Variants in DACH2 observed in about 807,000 individuals in gnomAD.
DACH2 encodes dachshund homolog 2.
Under a neutral mutation model 35.8 loss-of-function variants are expected in DACH2, and 17 were observed. The observed-to-expected ratio is 0.48, with a 90% CI of 0.33 to 0.71. DACH2 has a LOEUF of 0.71. Ranked by LOEUF, DACH2 falls within the 30% of genes least tolerant of loss-of-function variation. DACH2 has a pLI of 0.02. For synonymous variants in DACH2, 195 were observed against 177.3 expected, an observed-to-expected ratio of 1.10 and a Z score of -0.79; for missense variants, 469 against 472.7, an observed-to-expected ratio of 0.99 and a Z score of 0.07.
At chrX:86,726,467 C>A (rs2041471032) in intron 6 of DACH2, among the ~76,000 whole-genome samples, 1 of 111,022 alleles carries the variant, frequency 9.0e-6, no homozygotes, top group Non-Finnish European at 1.9e-5. Context: ...GCAGCAGCCT[C>A]AAGCAGGGTG....
chrX:86,450,354 G>A (rs2037351827), intron 2 of DACH2, among the ~76,000 whole-genome samples: 1 of 111,199 alleles, frequency 9.0e-6, no homozygotes, highest in East Asian at 2.8e-4. Flanking sequence ...TTAGTTTGAG[G>A]AGCATAATGG....
intron 1 of DACH2, among the ~76,000 whole-genome samples, chrX:86,179,336 T>G (rs2031401412): frequency 8.9e-6 from 1 of 112,158 alleles, no homozygotes; most frequent in African/African-American, 3.2e-5. Context: ...CTTTACCTTC[T>G]TTTTATGATT....
intron 1 of DACH2, among the ~76,000 whole-genome samples, chrX:86,254,981 A>G (rs7055255): frequency 0.084 from 9,058 of 107,533 alleles, 1,010 homozygotes; most frequent in African/African-American, 0.29. Flanking sequence ...GGACTGACAG[A>G]TCAGTACTGA....
At chrX:86,599,766 G>A (rs1242105005) in intron 3 of DACH2, among the ~76,000 whole-genome samples, 1 of 110,534 alleles carries the variant, frequency 9.0e-6, no homozygotes, top group Non-Finnish European at 1.9e-5. Context: ...AAAGTGCTGG[G>A]ATTAGAGACA....
At chrX:86,778,470 A>G (rs894946169) in intron 7 of DACH2, among the ~76,000 whole-genome samples, 7 of 112,030 alleles carry the variant, frequency 6.2e-5, no homozygotes, top group Admixed American at 2.8e-4. Flanking sequence ...AATGTTAGGT[A>G]GTAATAAAAC....
At chrX:86,396,899 A>G (rs1229981534) in intron 2 of DACH2, among the ~76,000 whole-genome samples, 1 of 110,976 alleles carries the variant, frequency 9.0e-6, no homozygotes, top group East Asian at 2.8e-4. Flanking sequence ...TATGAACTTT[A>G]AAGTAGTTTA....
chrX:86,570,733 T>TA (rs1161245941), intron 3 of DACH2, among the ~76,000 whole-genome samples: 16 of 106,936 alleles, frequency 1.5e-4, no homozygotes, highest in Admixed American at 2.0e-4. Flanking sequence ...CCCAGAAACT[T>TA]AAAAAAAAAA....
intron 2 of DACH2, among the ~76,000 whole-genome samples, chrX:86,409,410 G>A (rs752007045): frequency 1.8e-5 from 2 of 111,537 alleles, no homozygotes; most frequent in Non-Finnish European, 3.8e-5. Context: ...TAAAGGTGGG[G>A]CCTGGTAGGA....
chrX:86,547,486 T>TTCAG (rs199823543), intron 3 of DACH2, among the ~76,000 whole-genome samples: 1 of 31,229 alleles, frequency 3.2e-5, no homozygotes, highest in Non-Finnish European at 8.0e-5. Flanking sequence ...ATGGTGCCAT[T>TTCAG]TCACATTTTA....
intron 1 of DACH2, among the ~76,000 whole-genome samples, chrX:86,204,779 T>C (rs2032242487): frequency 8.9e-6 from 1 of 112,066 alleles, no homozygotes; most frequent in South Asian, 3.7e-4. Flanking sequence ...ATATTGGCAC[T>C]CACAGCAGCA....
intron 3 of DACH2, among the ~76,000 whole-genome samples, chrX:86,636,999 A>G (rs2040274546): frequency 9.7e-6 from 1 of 102,692 alleles, no homozygotes; most frequent in South Asian, 4.5e-4. Context: ...TAATAAACTT[A>G]AACAAATTTA....
At chrX:86,822,329 T>A (rs1420698253) in intron 11 of DACH2, among the ~76,000 whole-genome samples, 1 of 111,820 alleles carries the variant, frequency 8.9e-6, no homozygotes, top group Non-Finnish European at 1.9e-5. Flanking sequence ...GAATGAGGAA[T>A]TCATAACCTA....
chrX:86,514,319 T>C lies in DACH2; in HGVS notation c.568T>C (p.Leu190=), dbSNP rs2038437164. 8.3e-7 allele frequency: 1 copy of C among 1,211,589 alleles called. No homozygotes were observed. The highest frequency in any genetic ancestry group is 1.1e-6 in the Non-Finnish European group (1 of 895,436). The change falls in exon 3 of 12, where the codon TTG becomes CTG. Residue 190 remains leucine (L), a synonymous_variant. Transcript: ENST00000373125. ...GRPPKRSLGV[L]QENARLLTHA... Reference sequence around the variant, plus strand: ...GCCCCCTAAGCGTTCTTTGGGAGTGTTGCAGGAAAATGCCCGCCTTCTGAC... The same window carrying C: ...GCCCCCTAAGCGTTCTTTGGGAGTGCTGCAGGAAAATGCCCGCCTTCTGAC...
intron 7 of DACH2, among the ~76,000 whole-genome samples, chrX:86,777,273 G>A (rs369619553): frequency 1.8e-5 from 2 of 110,366 alleles, no homozygotes; most frequent in Non-Finnish European, 3.8e-5. Flanking sequence ...TTTAATGATC[G>A]CCATTCTAAC....
intron 1 of DACH2, among the ~76,000 whole-genome samples, chrX:86,297,753 A>G (rs1168335658): frequency 8.9e-6 from 1 of 112,338 alleles, no homozygotes; most frequent in African/African-American, 3.2e-5. Flanking sequence ...TAAAGTAAAA[A>G]TATTTCCTCT....
intron 3 of DACH2, among the ~76,000 whole-genome samples, chrX:86,555,063 C>A (rs771716165): frequency 9.0e-6 from 1 of 110,749 alleles, no homozygotes; most frequent in South Asian, 3.8e-4. Context: ...TCATTACCAC[C>A]AAAATGTATT....
At chrX:86,345,894 G>A (rs1393784241) in intron 1 of DACH2, among the ~76,000 whole-genome samples, 1 of 112,060 alleles carries the variant, frequency 8.9e-6, no homozygotes, top group Non-Finnish European at 1.9e-5. Flanking sequence ...CTTATTGCTA[G>A]CAATCTACAT....
intron 6 of DACH2, among the ~76,000 whole-genome samples, chrX:86,736,209 T>C (rs767487012): frequency 1.5e-4 from 17 of 111,427 alleles, no homozygotes; most frequent in East Asian, 2.8e-4. Flanking sequence ...ACTGCATTCA[T>C]ATAACATGGT....
rs2042448436 is a variant in DACH2, at chrX:86,816,052, T to C, written c.1703T>C (p.Ile568Thr). ...ATTTCAGATACTGGAATTCCAGATA[T>C]TGAAATAGAAAACAATGGGACTCCT... ...RMLKDTGIPDIEIENNGTPHD... is the reference protein window; with the variant it reads ...RMLKDTGIPDTEIENNGTPHD... The change falls in exon 11 of 12, where the codon ATT becomes ACT. Residue 568 changes from isoleucine (I) to threonine (T), a missense_variant. Ile to Thr is a moderately conservative substitution (Grantham distance 89, BLOSUM62 -1). Around this residue, in one of 3 missense-constraint regions of DACH2, gnomAD observed 363 missense variants for 334.4 expected, o/e 1.09. Coordinates refer to ENST00000373125, the MANE Select transcript of DACH2 (RefSeq NM_053281.3). 1.1e-5 allele frequency: 13 copies of C among 1,185,104 alleles called. No homozygotes were observed. Among genetic ancestry groups the C allele is most frequent in the Non-Finnish European group, 1.5e-5 (13 of 882,056 alleles).
Sources: gnomAD v4.1 joint callset for allele counts (sites outside exome capture counted in the v4.1 genomes callset) on GRCh38, gnomAD v4.1.1 for gene constraint, gnomAD v4.1.1 regional missense constraint, MANE v1.5 for transcripts, NCBI Gene and HGNC (gene_info 2026-07-23, HGNC 2026-07-21) for gene names.